RBFOX1: variants seen among roughly 807,000 people sequenced by gnomAD.
RBFOX1 encodes the protein RNA binding protein fox-1 homolog 1.
Under a neutral mutation model 57.7 loss-of-function variants are expected in RBFOX1, and 8 were observed. The observed-to-expected ratio is 0.14, with a 90% CI of 0.08 to 0.25. The LOEUF (loss-of-function observed/expected upper bound fraction) is 0.25. Ranked by LOEUF, RBFOX1 falls within the 10% of genes least tolerant of loss-of-function variation. The probability of loss-of-function intolerance (pLI) is 1.00; values close to 1 mark genes in which losing one functional copy is unlikely to be tolerated. For missense variants in RBFOX1, 611 were observed against 548.5 expected (o/e 1.11, Z -1.14); for synonymous variants, 326 against 222.4 (o/e 1.47, Z -4.15).
intron 4 of RBFOX1, among the ~76,000 whole-genome samples, chr16:7,256,227 C>A (rs1603450573): frequency 6.6e-6 from 1 of 152,158 alleles, no homozygotes; most frequent in South Asian, 2.1e-4. Context: ...TACTCCCTTG[C>A]CTTCCAGCTC....
At chr16:7,396,348 G>A (rs910126212) in intron 4 of RBFOX1, among the ~76,000 whole-genome samples, 6 of 152,054 alleles carry the variant, frequency 3.9e-5, no homozygotes, top group Non-Finnish European at 7.3e-5. Context: ...AGTTACAAGC[G>A]GATTCAAATG....
intron 5 of RBFOX1, among the ~76,000 whole-genome samples, chr16:7,553,973 G>C (rs963546133): frequency 2.6e-5 from 4 of 152,188 alleles, no homozygotes; most frequent in African/African-American, 4.8e-5. Flanking sequence ...GCCAGGCCCA[G>C]TGGCTCACAC....
intron 2 of RBFOX1, among the ~76,000 whole-genome samples, chr16:6,615,067 G>T (rs1215094738): frequency 6.6e-6 from 1 of 152,110 alleles, no homozygotes; most frequent in African/African-American, 2.4e-5. Context: ...TGCAGACGAG[G>T]GCCATGTGGA....
chr16:6,078,503 A>G (rs906502835), intron 1 of RBFOX1, among the ~76,000 whole-genome samples: 4 of 152,160 alleles, frequency 2.6e-5, no homozygotes, highest in African/African-American at 9.7e-5. Flanking sequence ...CAGGGAAGCC[A>G]AAAGACTGGA....
At chr16:6,952,674 GA>G (rs201223073) in intron 3 of RBFOX1, among the ~76,000 whole-genome samples, 23 of 151,732 alleles carry the variant, frequency 1.5e-4, no homozygotes, top group African/African-American at 5.3e-4. Context: ...AAAAAGAAAT[GA>G]AAAAAAATTA....
At chr16:6,533,587 T>G (rs925773771) in intron 2 of RBFOX1, among the ~76,000 whole-genome samples, 8 of 151,938 alleles carry the variant, frequency 5.3e-5, no homozygotes, top group Non-Finnish European at 8.8e-5. Context: ...TCAAGTGATT[T>G]TTTTTTTTTC....
intron 2 of RBFOX1, among the ~76,000 whole-genome samples, chr16:6,533,416 A>G (rs558278772): frequency 2.0e-5 from 3 of 152,306 alleles, no homozygotes; most frequent in South Asian, 4.1e-4. Context: ...TGTTACCAGC[A>G]CTGTGATCAC....
chr16:6,687,166 T>A (rs747590603), intron 3 of RBFOX1, among the ~76,000 whole-genome samples: 7 of 152,194 alleles, frequency 4.6e-5, no homozygotes, highest in Non-Finnish European at 8.8e-5. Flanking sequence ...TGAGTATCCT[T>A]TGAATTCTTG....
intron 1 of RBFOX1, among the ~76,000 whole-genome samples, chr16:6,237,856 G>T (rs1199366029): frequency 6.6e-6 from 1 of 152,040 alleles, no homozygotes; most frequent in African/African-American, 2.4e-5. Context: ...CACTTTGGGA[G>T]GCCAAGGTGG....
At chr16:6,455,736 C>T (rs1369482337) in intron 2 of RBFOX1, among the ~76,000 whole-genome samples, 1 of 152,112 alleles carries the variant, frequency 6.6e-6, no homozygotes, top group East Asian at 1.9e-4. Flanking sequence ...GGGGTCGTTG[C>T]AGCTGGTAAT....
chr16:7,020,299 C>T (rs1377444395), intron 3 of RBFOX1, among the ~76,000 whole-genome samples: 1 of 152,090 alleles, frequency 6.6e-6, no homozygotes, highest in Admixed American at 6.5e-5. Flanking sequence ...AGTCTTGGCT[C>T]ACTGCAACCT....
At chr16:6,679,061 C>T (rs1296389715) in intron 3 of RBFOX1, among the ~76,000 whole-genome samples, 1 of 152,084 alleles carries the variant, frequency 6.6e-6, no homozygotes. Flanking sequence ...ACCTCTCTAA[C>T]CCTTGCTAAT....
intron 3 of RBFOX1, among the ~76,000 whole-genome samples, chr16:6,990,495 C>T (rs115510478): frequency 0.066 from 9,970 of 151,940 alleles, 399 homozygotes; most frequent in South Asian, 0.17. Flanking sequence ...ACTGCATTCC[C>T]ACCTGGGCAA....
At chr16:7,542,739 C>T (rs1439776448) in intron 5 of RBFOX1, among the ~76,000 whole-genome samples, 1 of 147,454 alleles carries the variant, frequency 6.8e-6, no homozygotes, top group Non-Finnish European at 1.5e-5. Flanking sequence ...TGGTGGCACG[C>T]ACCTGTAATC....
At chr16:7,695,685 C>T (rs1339623459) in intron 14 of RBFOX1, among the ~76,000 whole-genome samples, 2 of 151,136 alleles carry the variant, frequency 1.3e-5, no homozygotes, top group East Asian at 1.9e-4. Context: ...CTGCTGTGCC[C>T]ACTACCCACA....
intron 3 of RBFOX1, among the ~76,000 whole-genome samples, chr16:5,757,641 C>T (rs1318395336): frequency 6.6e-6 from 1 of 152,006 alleles, no homozygotes; most frequent in Non-Finnish European, 1.5e-5. Context: ...AGACGTGACC[C>T]AGGAGGAAAT....
intron 2 of RBFOX1, chr16:5,598,791 A>G: frequency 1.2e-6 from 1 of 801,764 alleles, no homozygotes; most frequent in Non-Finnish European, 1.9e-6. Flanking sequence ...TACTGTGGCT[A>G]AACGTGGTGA....
intron 2 of RBFOX1, among the ~76,000 whole-genome samples, chr16:6,532,198 C>G (rs1028817228): frequency 1.3e-5 from 2 of 152,178 alleles, no homozygotes; most frequent in African/African-American, 2.4e-5. Context: ...AACTCTTTAT[C>G]TTCCAGAGTG....
chr16:6,201,281 T>C (rs888433766), intron 1 of RBFOX1, among the ~76,000 whole-genome samples: 2 of 152,172 alleles, frequency 1.3e-5, no homozygotes, highest in Non-Finnish European at 1.5e-5. Context: ...GGTGCAGACC[T>C]CTTCTTTATA....
Sources: allele counts gnomAD v4.1 joint callset (sites outside exome capture counted in the v4.1 genomes callset), GRCh38; gene constraint gnomAD v4.1.1; transcripts MANE v1.5; gene names NCBI Gene and HGNC (gene_info 2026-07-23, HGNC 2026-07-21).